The following ZFPM2 variants were observed in gnomAD, a reference collection of about 807,000 sequenced individuals.
ZFPM2 encodes zinc finger protein, FOG family member 2.
Under a neutral mutation model 98.6 loss-of-function variants are expected in ZFPM2, and 20 were observed. The ratio of observed to expected loss-of-function variants is 0.20; its 90% CI spans 0.14 to 0.29. The LOEUF is 0.29. ZFPM2 is among the 10% of genes least tolerant of loss of function. The pLI is 1.00. For synonymous variants in ZFPM2, 518 were observed against 502.7 expected, an observed-to-expected ratio of 1.03 and a Z score of -0.41; for missense variants, 1,310 against 1,388.6, an observed-to-expected ratio of 0.94 and a Z score of 0.90.
At chr8:105,627,034 C>CT (rs1586159894) in intron 4 of ZFPM2, among the ~76,000 whole-genome samples, 3 of 152,122 alleles carry the variant, frequency 2.0e-5, no homozygotes, top group South Asian at 4.2e-4. Context: ...TCCTCAATAT[C>CT]TTTTTTTTCC....
intron 1 of ZFPM2, among the ~76,000 whole-genome samples, chr8:105,366,868 T>A (rs1311210225): frequency 6.6e-6 from 1 of 150,954 alleles, no homozygotes; most frequent in Non-Finnish European, 1.5e-5. Flanking sequence ...GTCTAACATT[T>A]AAATCTTTAA....
At chr8:105,424,193 A>C (rs541659333) in intron 2 of ZFPM2, among the ~76,000 whole-genome samples, 95 of 152,324 alleles carry the variant, frequency 6.2e-4, no homozygotes, top group African/African-American at 2.1e-3. Context: ...ATGTAAGTCA[A>C]CTTTGAATTA....
intron 3 of ZFPM2, among the ~76,000 whole-genome samples, chr8:105,560,157 G>A (rs188909070): frequency 3.2e-5 from 4 of 123,810 alleles, no homozygotes; most frequent in Non-Finnish European, 4.9e-5. Flanking sequence ...CAACAAGAGC[G>A]AAACTCTGTC....
chr8:105,625,073 A>G (rs555316197), intron 4 of ZFPM2, among the ~76,000 whole-genome samples: 1 of 152,202 alleles, frequency 6.6e-6, no homozygotes, highest in Non-Finnish European at 1.5e-5. Flanking sequence ...ATTTAATGAA[A>G]TCTTCCTGGA....
chr8:105,510,250 C>T (rs1051977569), intron 3 of ZFPM2, among the ~76,000 whole-genome samples: 3 of 152,120 alleles, frequency 2.0e-5, no homozygotes, highest in African/African-American at 7.2e-5. Flanking sequence ...ACCTCACTCC[C>T]TATATGAACT....
chr8:105,703,434 A>T (rs1295846085), intron 5 of ZFPM2, among the ~76,000 whole-genome samples: 2 of 152,218 alleles, frequency 1.3e-5, no homozygotes, highest in African/African-American at 4.8e-5. Flanking sequence ...GCAGTAATTC[A>T]GTAAAGGAAA....
At chr8:105,711,673 AGT>A (rs1281770822) in intron 5 of ZFPM2, among the ~76,000 whole-genome samples, 3 of 152,032 alleles carry the variant, frequency 2.0e-5, no homozygotes, top group Non-Finnish European at 4.4e-5. Context: ...TACCCCCAGA[AGT>A]GTGTCTTTCA....
At chr8:105,427,160 GA>G (rs1811931899) in intron 2 of ZFPM2, among the ~76,000 whole-genome samples, 1 of 152,128 alleles carries the variant, frequency 6.6e-6, no homozygotes, top group African/African-American at 2.4e-5. Context: ...CTTCTTATGA[GA>G]GTAAACATAT....
chr8:105,476,884 G>A (rs529413103), intron 3 of ZFPM2, among the ~76,000 whole-genome samples: 1 of 152,140 alleles, frequency 6.6e-6, no homozygotes, highest in East Asian at 1.9e-4. Flanking sequence ...CAGCTTTCAA[G>A]CCTGAGTCCC....
intron 1 of ZFPM2, among the ~76,000 whole-genome samples, chr8:105,348,392 T>C (rs1812578791): frequency 6.6e-6 from 1 of 152,218 alleles, no homozygotes; most frequent in African/African-American, 2.4e-5. Flanking sequence ...TAGTGTCTCA[T>C]CATGTGACAC....
chr8:105,668,544 T>C (rs1817529283), intron 5 of ZFPM2, among the ~76,000 whole-genome samples: 1 of 152,186 alleles, frequency 6.6e-6, no homozygotes, highest in Non-Finnish European at 1.5e-5. Context: ...ATCTTCTTTT[T>C]CAACTGTACC....
intron 4 of ZFPM2, among the ~76,000 whole-genome samples, chr8:105,586,843 A>C (rs1815727987): frequency 9.4e-6 from 1 of 106,946 alleles, no homozygotes; most frequent in African/African-American, 2.9e-5. Flanking sequence ...TTATATATAA[A>C]TATTTTATAT....
intron 1 of ZFPM2, among the ~76,000 whole-genome samples, chr8:105,362,996 G>C (rs1287079756): frequency 6.6e-6 from 1 of 152,134 alleles, no homozygotes; most frequent in Non-Finnish European, 1.5e-5. Flanking sequence ...AGAACCCTTG[G>C]CCAATATTTT....
chr8:105,514,390 T>A (rs187657959), intron 3 of ZFPM2, among the ~76,000 whole-genome samples: 2 of 150,472 alleles, frequency 1.3e-5, no homozygotes, highest in East Asian at 4.0e-4. Flanking sequence ...CTGATGGAGA[T>A]TTAAGCAGAT....
At chr8:105,480,193 TAGAG>T (rs1307891958) in intron 3 of ZFPM2, among the ~76,000 whole-genome samples, 5 of 152,060 alleles carry the variant, frequency 3.3e-5, no homozygotes, top group African/African-American at 1.2e-4. Flanking sequence ...CACAGGGGAG[TAGAG>T]AGCAACCATA....
intron 5 of ZFPM2, among the ~76,000 whole-genome samples, chr8:105,697,120 A>G (rs1271119010): frequency 6.6e-6 from 1 of 152,210 alleles, no homozygotes; most frequent in Non-Finnish European, 1.5e-5. Context: ...ATGAGATAGA[A>G]CCAACTTCAT....
At chr8:105,574,993 GA>G (rs1251122331) in intron 4 of ZFPM2, among the ~76,000 whole-genome samples, 1 of 151,908 alleles carries the variant, frequency 6.6e-6, no homozygotes, top group East Asian at 1.9e-4. Context: ...GTGGTGGAAA[GA>G]AAATTTGTCC....
intron 1 of ZFPM2, among the ~76,000 whole-genome samples, chr8:105,327,673 A>T (rs1425761042): frequency 6.6e-6 from 1 of 151,802 alleles, no homozygotes; most frequent in Non-Finnish European, 1.5e-5. Context: ...TTCCCTTTGC[A>T]TGCTACATTA....
intron 5 of ZFPM2, among the ~76,000 whole-genome samples, chr8:105,747,036 AT>A (rs1289686205): frequency 1.3e-5 from 2 of 151,926 alleles, no homozygotes; most frequent in Admixed American, 6.6e-5. Flanking sequence ...GCAATTAAGT[AT>A]TTTTTTTCTT....
Sources: gnomAD v4.1 joint callset for allele counts (sites outside exome capture counted in the v4.1 genomes callset) on GRCh38, gnomAD v4.1.1 for gene constraint, MANE v1.5 for transcripts, NCBI Gene and HGNC (gene_info 2026-07-23, HGNC 2026-07-21) for gene names.